The following BRINP1 variants were observed in gnomAD, a reference collection of about 807,000 sequenced individuals.
BRINP1 encodes BMP/retinoic acid inducible neural specific 1, also known as BMP/retinoic acid-inducible neural-specific protein 1.
A neutral mutation model predicts 72.9 loss-of-function variants in BRINP1; 17 were observed. The ratio of observed to expected loss-of-function variants is 0.23; its 90% confidence interval spans 0.16 to 0.35. The LOEUF (loss-of-function observed/expected upper bound fraction) is 0.35, where lower values mean the gene tolerates loss of function less well. Among genes scored for constraint, BRINP1 ranks in the 10% least tolerant of loss-of-function variants. The pLI is 1.00. For missense variants in BRINP1, 850 were observed against 1,001.6 expected (o/e 0.85, Z 2.04); for synonymous variants, 418 against 378.5 (o/e 1.10, Z -1.21).
chr9:119,221,375 T>G (rs1261867063), intron 5 of BRINP1, among the ~76,000 whole-genome samples: 1 of 152,206 alleles, frequency 6.6e-6, no homozygotes, highest in African/African-American at 2.4e-5. Context: ...CCAACAGCCA[T>G]GCTGAACTCC....
At position 119,368,150 on chromosome 9, in the gene BRINP1, A is replaced by G. The variant is rs2119050976; in HGVS notation, c.-51+906T>C. ...ATGCAAACTTGCCAGATCCTCCCCA[A>G]AACCAACAGAAGCCGGAGGGGCTCT... On this transcript the variant is annotated intron_variant, in intron 1 of 7. Transcript: ENST00000265922. This position sits in a 1 kb window ranked among gnomAD's most constrained non-coding sequence, Gnocchi z 4.7. 6.6e-6 allele frequency among the ~76,000 whole-genome samples: 1 copy of G among 152,290 alleles called. No individual in the cohort carries two copies. The highest frequency in any genetic ancestry group is 1.9e-4 in the East Asian group (1 of 5,168).
At chr9:119,330,502 G>A (rs1831289444) in intron 1 of BRINP1, among the ~76,000 whole-genome samples, 1 of 152,124 alleles carries the variant, frequency 6.6e-6, no homozygotes, top group Non-Finnish European at 1.5e-5. Flanking sequence ...AACACCAGTA[G>A]GAGTGAACCC....
In BRINP1 at chr9:119,212,034, A is replaced by C. The variant is rs183646610; in HGVS notation, c.922+1885T>G. Among the ~76,000 whole-genome samples the C allele has an allele frequency of 3.7e-3, 568 of 152,206 alleles. 4 individuals are homozygous for C. The highest frequency in any genetic ancestry group is 0.013 in the African/African-American group (526 of 41,524). On this transcript the variant is annotated intron_variant, in intron 6 of 7. Transcript: ENST00000265922. ...TTTGTTTTTTGTAGTAATCAGCCAA[A>C]TCTTTCTGCAAAAGCATTTTATCAA...
intron 2 of BRINP1, among the ~76,000 whole-genome samples, chr9:119,298,908 C>A (rs1190674433): frequency 6.6e-6 from 1 of 151,980 alleles, no homozygotes; most frequent in Non-Finnish European, 1.5e-5. Flanking sequence ...TTACTTTGAG[C>A]CAATACTTTT....
rs114056678 is a variant in BRINP1 at position 119,288,901 on chromosome 9, T to A, written c.218+24237A>T. ...ACCTCTGCCTCCCAGGTTCAAGCTA[T>A]TCTATTCTCCTGCCTCAGCCTCCCA... is the stretch of plus-strand genomic sequence containing the variant. On this transcript the variant is annotated intron_variant, in intron 2 of 7. Coordinates refer to ENST00000265922, the MANE Select transcript of BRINP1 (RefSeq NM_014618.3). Among the ~76,000 whole-genome samples, 1,235 of 152,226 alleles carry A rather than the reference T, an allele frequency of 8.1e-3. 15 individuals carry two copies. Among genetic ancestry groups the A allele is most frequent in the African/African-American group, 0.029 (1,193 of 41,548 alleles).
At chr9:119,302,712 C>T (rs1015168459) in intron 2 of BRINP1, among the ~76,000 whole-genome samples, 1 of 152,192 alleles carries the variant, frequency 6.6e-6, no homozygotes, top group African/African-American at 2.4e-5. Context: ...GAACAAGTAT[C>T]CCCTCCTCTA....
At chr9:119,170,584 C>A (rs891773837) in intron 7 of BRINP1, among the ~76,000 whole-genome samples, 12 of 151,606 alleles carry the variant, frequency 7.9e-5, no homozygotes, top group African/African-American at 2.9e-4. Context: ...AGAACTTCCC[C>A]AATCTAGCAA....
At chr9:119,228,570 T>C (rs1000374036) in intron 5 of BRINP1, among the ~76,000 whole-genome samples, 5 of 151,990 alleles carry the variant, frequency 3.3e-5, no homozygotes, top group Non-Finnish European at 5.9e-5. Flanking sequence ...GTCCTGTGTA[T>C]GTGCATGTGT....
chr9:119,172,266 C>A (rs1441551197), intron 7 of BRINP1, among the ~76,000 whole-genome samples: 1 of 152,012 alleles, frequency 6.6e-6, no homozygotes, highest in African/African-American at 2.4e-5. Flanking sequence ...AGAGAAGAAT[C>A]AAATAGACGC....
chr9:119,309,158 C>T (rs992472515), intron 2 of BRINP1, among the ~76,000 whole-genome samples: 1 of 152,126 alleles, frequency 6.6e-6, no homozygotes, highest in Non-Finnish European at 1.5e-5. Context: ...AAATTCTAAA[C>T]TCTATATATT....
chr9:119,201,732 G>A (rs1352722300), intron 7 of BRINP1, among the ~76,000 whole-genome samples: 1 of 152,140 alleles, frequency 6.6e-6, no homozygotes, highest in East Asian at 1.9e-4. Flanking sequence ...GATGGTTGGA[G>A]GACCAACGCA....
intron 7 of BRINP1, among the ~76,000 whole-genome samples, chr9:119,170,055 ACT>A (rs1174320016): frequency 1.3e-5 from 2 of 152,114 alleles, no homozygotes; most frequent in Admixed American, 6.5e-5. Context: ...AAAACCGGAA[ACT>A]CTAAAAAGCA....
intron 1 of BRINP1, among the ~76,000 whole-genome samples, chr9:119,333,821 A>T (rs189181607): frequency 1.5e-4 from 23 of 152,298 alleles, no homozygotes; most frequent in East Asian, 5.8e-4. Flanking sequence ...AAAGAAAAAA[A>T]ATATATATTG....
chr9:119,202,616 T>C (rs1004233225), intron 7 of BRINP1, among the ~76,000 whole-genome samples: 4 of 152,178 alleles, frequency 2.6e-5, no homozygotes, highest in African/African-American at 9.6e-5. Context: ...GCCACAGGAA[T>C]CTTACTGTGG....
chr9:119,203,009 G>A (rs1588162935), intron 7 of BRINP1, among the ~76,000 whole-genome samples: 1 of 151,912 alleles, frequency 6.6e-6, no homozygotes, highest in South Asian at 2.1e-4. Flanking sequence ...GTTAATTCAG[G>A]GCTCCATGTT....
At chr9:119,237,353 A>T (rs1284447114) in intron 5 of BRINP1, among the ~76,000 whole-genome samples, 1 of 118,258 alleles carries the variant, frequency 8.5e-6, no homozygotes, top group Non-Finnish European at 1.9e-5. Flanking sequence ...CTACATTATT[A>T]TTATTATTAT....
chr9:119,321,361 C>T (rs1216932945), intron 1 of BRINP1, among the ~76,000 whole-genome samples: 1 of 152,146 alleles, frequency 6.6e-6, no homozygotes, highest in African/African-American at 2.4e-5. Flanking sequence ...GTTTGGAAGC[C>T]CCTGGTCACA....
At chr9:119,241,256 G>A (rs1830245957) in intron 4 of BRINP1, among the ~76,000 whole-genome samples, 1 of 152,142 alleles carries the variant, frequency 6.6e-6, no homozygotes, top group Admixed American at 6.5e-5. Context: ...ACAGATACAG[G>A]GCCTTTCCAC....
chr9:119,244,295 C>A (rs1183890994), intron 3 of BRINP1, among the ~76,000 whole-genome samples: 1 of 152,184 alleles, frequency 6.6e-6, no homozygotes, highest in Non-Finnish European at 1.5e-5. Flanking sequence ...GCCCCCACAG[C>A]AACCTGAATA....
Sources: allele counts gnomAD v4.1 joint callset (sites outside exome capture counted in the v4.1 genomes callset), GRCh38; gene constraint gnomAD v4.1.1; non-coding constraint Gnocchi (gnomAD v3.1); transcripts MANE v1.5; gene names NCBI Gene and HGNC (gene_info 2026-07-23, HGNC 2026-07-21).